MARVELD2: variants seen among roughly 807,000 people sequenced by gnomAD.
MARVELD2 encodes the protein MARVEL domain containing 2.
Under a neutral mutation model 57.6 loss-of-function variants are expected in MARVELD2, and 49 were observed. The observed-to-expected ratio is 0.85, with a 90% confidence interval of 0.68 to 1.08. MARVELD2 has a LOEUF of 1.08. Among genes scored for constraint, MARVELD2 ranks in the 50% least tolerant of loss-of-function variants. MARVELD2 has a pLI of 0.00. For synonymous variants in MARVELD2, 238 were observed against 258.8 expected, an observed-to-expected ratio of 0.92 and a Z score of 0.77; for missense variants, 606 against 701.1, an observed-to-expected ratio of 0.86 and a Z score of 1.53.
chr5:69,439,124 G>C (rs1487550331), intron 5 of MARVELD2, among the ~76,000 whole-genome samples: 1 of 150,078 alleles, frequency 6.7e-6, no homozygotes, highest in African/African-American at 2.4e-5. Flanking sequence ...GTCAGTGATA[G>C]AAAAAGTTCT....
chr5:69,423,632 C>A (rs557899231), intron 2 of MARVELD2, among the ~76,000 whole-genome samples: 96 of 151,966 alleles, frequency 6.3e-4, no homozygotes, highest in African/African-American at 1.6e-3. Flanking sequence ...TGATCTCTCT[C>A]TCTATATATT....
chr5:69,440,403 AGTAAAT>A, intron 5 of MARVELD2, 41 bp from the exon 6 acceptor site: 6 of 938,962 alleles, frequency 6.4e-6, no homozygotes, highest in Non-Finnish European at 1.0e-5. Flanking sequence ...ATATGATTTG[AGTAAAT>A]GCAAATGTTT....
Position 69,443,430 on chromosome 5 carries a change from C to T in MARVELD2, c.*1776C>T, listed in dbSNP as rs1461212033. 3 of 152,136 alleles carry T rather than the reference C, an allele frequency of 2.0e-5. No homozygotes were observed. The highest frequency in any genetic ancestry group is 7.2e-5 in the African/African-American group (3 of 41,424). The allele number at this position is 152,136 out of a possible 1,614,324, so 9.4% of individuals were successfully genotyped here. A position where few individuals can be genotyped will look rare whatever the true frequency, so the allele number is the denominator to read the frequency against. ...GGCCAGGTTGGTCTCAAGCTCCTGACCTCAGATGATCTACCAGCCTCGGCC... is the reference window on the plus strand; with the variant it reads ...GGCCAGGTTGGTCTCAAGCTCCTGATCTCAGATGATCTACCAGCCTCGGCC... On this transcript the variant is annotated 3_prime_UTR_variant, in exon 7 of 7. Transcript: ENST00000325631.
intron 5 of MARVELD2, among the ~76,000 whole-genome samples, chr5:69,438,422 A>G (rs1377773909): frequency 6.6e-6 from 1 of 152,226 alleles, no homozygotes; most frequent in African/African-American, 2.4e-5. Flanking sequence ...AAACACAAAC[A>G]TACTCATGAT....
At chr5:69,437,742 G>A (rs766856816) in intron 5 of MARVELD2, among the ~76,000 whole-genome samples, 30 of 152,028 alleles carry the variant, frequency 2.0e-4, no homozygotes, top group Non-Finnish European at 3.5e-4. Context: ...CCAACACCCA[G>A]TGGTATCTGG....
intron 5 of MARVELD2, among the ~76,000 whole-genome samples, chr5:69,435,038 T>C (rs1767089308): frequency 6.7e-6 from 1 of 150,286 alleles, no homozygotes; most frequent in Non-Finnish European, 1.5e-5. Context: ...TTTTTTTTTT[T>C]TTGAGATGGA....
At chr5:69,440,386 C>A in intron 5 of MARVELD2, 64 bp from the exon 6 acceptor site, 2 of 818,262 alleles carry the variant, frequency 2.4e-6, no homozygotes, top group Admixed American at 2.0e-5. Flanking sequence ...TCTCAGTGTG[C>A]TTTGAGATAT....
chr5:69,431,812 C>G (rs1766970604), intron 3 of MARVELD2, among the ~76,000 whole-genome samples: 2 of 150,656 alleles, frequency 1.3e-5, no homozygotes. Flanking sequence ...TCTTCCTCCC[C>G]ATTTTCTTCT....
chr5:69,438,652 C>T (rs1207672878), intron 5 of MARVELD2, among the ~76,000 whole-genome samples: 2 of 151,994 alleles, frequency 1.3e-5, no homozygotes, highest in East Asian at 1.9e-4. Flanking sequence ...TTTGGGAGGC[C>T]GAGGTGGGTG....
intron 2 of MARVELD2, among the ~76,000 whole-genome samples, chr5:69,421,441 C>G (rs1295097332): frequency 6.6e-6 from 1 of 151,980 alleles, no homozygotes; most frequent in Admixed American, 6.6e-5. Context: ...TGAATTTTTG[C>G]TTTTCCACTT....
Position 69,419,519 on chromosome 5 carries a change from C to T in MARVELD2, c.134C>T (p.Pro45Leu), listed in dbSNP as rs1343068181. ...HDSERAVSADPLPPPPLPLQP... is the reference protein window; with the variant it reads ...HDSERAVSADLLPPPPLPLQP... ...AGTGAGCGGGCAGTGAGCGCTGATCCCTTGCCACCACCCCCTCTCCCATTA... is the reference window on the plus strand; with the variant it reads ...AGTGAGCGGGCAGTGAGCGCTGATCTCTTGCCACCACCCCCTCTCCCATTA... The change falls in exon 2 of 7, where the codon CCC becomes CTC. Residue 45 changes from proline (P) to leucine (L), a missense_variant. By Grantham distance (98) the Pro-to-Leu change is moderately conservative (BLOSUM62 -3). Coordinates refer to ENST00000325631, the MANE Select transcript of MARVELD2 (RefSeq NM_001038603.3). 1 of 1,613,980 alleles carries T rather than the reference C, an allele frequency of 6.2e-7. No homozygotes were observed. Among genetic ancestry groups the T allele is most frequent in the African/African-American group, 1.3e-5 (1 of 74,886 alleles).
At chr5:69,427,863 G>C (rs1041313141) in intron 3 of MARVELD2, among the ~76,000 whole-genome samples, 4 of 152,212 alleles carry the variant, frequency 2.6e-5, no homozygotes, top group African/African-American at 9.6e-5. Context: ...TGTAATCCGA[G>C]CACTTTGGGA....
intron 5 of MARVELD2, among the ~76,000 whole-genome samples, chr5:69,439,750 T>A (rs187251185): frequency 6.6e-6 from 1 of 151,952 alleles, no homozygotes; most frequent in African/African-American, 2.4e-5. Context: ...GGAGACTGTC[T>A]TAAAATGAAA....
Position 69,419,934 on chromosome 5 carries a change from C to G in MARVELD2, c.549C>G (p.Tyr183Ter). 6.2e-7 allele frequency: 1 copy of G among 1,614,156 alleles called. No homozygotes were observed. The highest frequency in any genetic ancestry group is 8.5e-7 in the Non-Finnish European group (1 of 1,180,034). The change falls in exon 2 of 7, where the codon TAC becomes TAG. Residue 183 changes from tyrosine to a stop codon, truncating the protein, a stop_gained. Coordinates refer to ENST00000325631, the MANE Select transcript of MARVELD2 (RefSeq NM_001038603.3). LOFTEE classifies it high-confidence loss of function. ...SEKVEEYNLR[Y>*]SYMKSWAGLL... ...AGGTGGAGGAGTATAACCTGAGATACTCCTACATGAAGTCGTGGGCAGGCC... is the reference window on the plus strand; with the variant it reads ...AGGTGGAGGAGTATAACCTGAGATAGTCCTACATGAAGTCGTGGGCAGGCC...
intron 5 of MARVELD2, among the ~76,000 whole-genome samples, chr5:69,436,097 C>T (rs1038474376): frequency 5.3e-5 from 8 of 152,018 alleles, no homozygotes; most frequent in African/African-American, 1.5e-4. Flanking sequence ...TTGGCTGTTA[C>T]GAATAATGCT....
chr5:69,420,467 T>A lies in MARVELD2; in HGVS notation c.1082T>A (p.Val361Asp). ...ATAGTTTATCTCATTAGTGCTTTGG[T>A]TTGCCTAAAGTTATGGAGGCATGAG... ...TMIVYLISALVCLKLWRHEAA... is the reference protein window; with the variant it reads ...TMIVYLISALDCLKLWRHEAA... The change falls in exon 2 of 7, where the codon GTT (valine) becomes GAT (aspartate). Residue 361 changes from valine (V) to aspartate (D), a missense_variant. Physicochemically the swap from Val to Asp is radical, Grantham distance 152 (BLOSUM62 -3). Transcript: ENST00000325631. 6.2e-7 allele frequency: 1 copy of A among 1,613,620 alleles called. No homozygotes were observed. The highest frequency in any genetic ancestry group is 8.5e-7 in the Non-Finnish European group (1 of 1,180,024).
At chr5:69,438,777 T>C (rs1767235298) in intron 5 of MARVELD2, among the ~76,000 whole-genome samples, 11 of 151,614 alleles carry the variant, frequency 7.3e-5, no homozygotes, top group Admixed American at 7.2e-4. Context: ...TCCCAGCTAC[T>C]CGGGAGGCTG....
chr5:69,424,836 C>G (rs1292238102), intron 3 of MARVELD2, among the ~76,000 whole-genome samples, 200 bp downstream of exon 3: 11 of 151,844 alleles, frequency 7.2e-5, no homozygotes, highest in Admixed American at 6.6e-4. Flanking sequence ...ACCAGCCTGG[C>G]CAAAATGGTG....
At chr5:69,415,590 C>A (rs1482211774) in intron 1 of MARVELD2, 1 of 152,218 alleles carries the variant, frequency 6.6e-6, no homozygotes, top group Non-Finnish European at 1.5e-5. Flanking sequence ...CGGGGGAGAC[C>A]CCACAGCTAA....
Sources: gnomAD v4.1 joint callset for allele counts (sites outside exome capture counted in the v4.1 genomes callset) on GRCh38, gnomAD v4.1.1 for gene constraint, MANE v1.5 for transcripts, NCBI Gene and HGNC (gene_info 2026-07-23, HGNC 2026-07-21) for gene names.